The following BACH2 variants were observed in gnomAD, a reference collection of about 807,000 sequenced individuals.
BACH2 encodes transcription regulator protein BACH2.
BACH2 carries 5 observed loss-of-function variants against 61.8 expected under a neutral mutation model. That is an observed-to-expected ratio of 0.08 (90% CI 0.04 to 0.17). The LOEUF (loss-of-function observed/expected upper bound fraction) is 0.17. Among genes scored for constraint, BACH2 ranks in the 10% least tolerant of loss-of-function variants. The pLI, the probability that BACH2 is intolerant of heterozygous loss-of-function variation, is 1.00. For synonymous variants in BACH2, 446 were observed against 440.1 expected, an observed-to-expected ratio of 1.01 and a Z score of -0.17; for missense variants, 824 against 1,091.1, an observed-to-expected ratio of 0.76 and a Z score of 3.45.
intron 4 of BACH2, among the ~76,000 whole-genome samples, chr6:90,132,732 G>T (rs1784120539): frequency 6.6e-6 from 1 of 152,112 alleles, no homozygotes; most frequent in African/African-American, 2.4e-5. Context: ...GGTTTTCCTG[G>T]GCTTACAAAA....
At chr6:90,275,224 G>A (rs577233573) in intron 1 of BACH2, among the ~76,000 whole-genome samples, 1 of 152,240 alleles carries the variant, frequency 6.6e-6, no homozygotes, top group South Asian at 2.1e-4. Flanking sequence ...CTAAAACTTT[G>A]CTTTGTTCTA....
chr6:89,933,208 T>C (rs1244102299), intron 8 of BACH2, among the ~76,000 whole-genome samples: 5 of 152,026 alleles, frequency 3.3e-5, no homozygotes, highest in Non-Finnish European at 7.4e-5. Flanking sequence ...GAATTTGGGG[T>C]TTGTAGAGAG....
At chr6:90,264,883 A>T (rs1771274878) in intron 2 of BACH2, among the ~76,000 whole-genome samples, 2 of 152,232 alleles carry the variant, frequency 1.3e-5, no homozygotes, top group Non-Finnish European at 2.9e-5. Context: ...CATGGAATGA[A>T]TTTACCAAAT....
chr6:90,055,909 AC>A (rs1250949358), intron 5 of BACH2, among the ~76,000 whole-genome samples: 1 of 152,202 alleles, frequency 6.6e-6, no homozygotes, highest in East Asian at 1.9e-4. Context: ...TACTTTACAG[AC>A]AAGCAAATGC....
At chr6:90,198,191 G>T (rs376264602) in intron 4 of BACH2, among the ~76,000 whole-genome samples, 1 of 152,156 alleles carries the variant, frequency 6.6e-6, no homozygotes. Flanking sequence ...TGTATGTAAC[G>T]GCTTGCACCT....
chr6:90,104,678 T>C (rs1782821677), intron 4 of BACH2, among the ~76,000 whole-genome samples: 1 of 152,158 alleles, frequency 6.6e-6, no homozygotes, highest in South Asian at 2.1e-4. Context: ...TTTCCCTCGG[T>C]CCTTCCTCCC....
intron 5 of BACH2, among the ~76,000 whole-genome samples, chr6:90,064,399 T>A (rs577622086): frequency 6.6e-6 from 1 of 152,252 alleles, no homozygotes; most frequent in Admixed American, 6.5e-5. Context: ...CAGCAAATAT[T>A]CTGAGGAATA....
intron 4 of BACH2, among the ~76,000 whole-genome samples, chr6:90,166,426 G>A (rs1409947863): frequency 6.6e-6 from 1 of 152,194 alleles, no homozygotes; most frequent in Non-Finnish European, 1.5e-5. Context: ...AGAGGCTGTG[G>A]AGAAATAGAA....
intron 4 of BACH2, among the ~76,000 whole-genome samples, chr6:90,192,505 C>G (rs1247433358): frequency 1.3e-5 from 2 of 152,118 alleles, no homozygotes; most frequent in Non-Finnish European, 2.9e-5. Context: ...TAATTAAATA[C>G]TAAAGTCTAG....
intron 5 of BACH2, among the ~76,000 whole-genome samples, chr6:90,024,454 G>C (rs1778534635): frequency 6.6e-6 from 1 of 152,156 alleles, no homozygotes; most frequent in African/African-American, 2.4e-5. Context: ...CCTTTGCTTT[G>C]CAGTAAAACT....
At chr6:90,202,461 A>C (rs529895040) in intron 4 of BACH2, among the ~76,000 whole-genome samples, 1 of 152,340 alleles carries the variant, frequency 6.6e-6, no homozygotes, top group South Asian at 2.1e-4. Flanking sequence ...CAGATCATTA[A>C]GCAAAACAGT....
intron 5 of BACH2, among the ~76,000 whole-genome samples, chr6:90,068,522 G>A (rs575086879): frequency 3.3e-5 from 5 of 152,288 alleles, no homozygotes; most frequent in Admixed American, 2.0e-4. Flanking sequence ...GAGGCCCAGG[G>A]CTGCTGGTGA....
At chr6:90,109,341 C>T (rs986368597) in intron 4 of BACH2, among the ~76,000 whole-genome samples, 5 of 152,250 alleles carry the variant, frequency 3.3e-5, no homozygotes, top group African/African-American at 1.2e-4. Flanking sequence ...GGGCACCACA[C>T]TGTCCTGGCT....
At chr6:90,220,354 G>GA (rs1769699557) in intron 3 of BACH2, among the ~76,000 whole-genome samples, 1 of 151,932 alleles carries the variant, frequency 6.6e-6, no homozygotes, top group Non-Finnish European at 1.5e-5. Flanking sequence ...CCCACACACT[G>GA]AAAAAAATAA....
chr6:90,028,093 C>T (rs1221408457), intron 5 of BACH2, among the ~76,000 whole-genome samples: 1 of 152,178 alleles, frequency 6.6e-6, no homozygotes, highest in Admixed American at 6.5e-5. Context: ...CAACTTCGGC[C>T]ATGACACTAT....
At chr6:90,153,544 C>T (rs1784897343) in intron 4 of BACH2, among the ~76,000 whole-genome samples, 2 of 152,182 alleles carry the variant, frequency 1.3e-5, no homozygotes, top group Non-Finnish European at 2.9e-5. Context: ...CTTTTTATCA[C>T]ACTAGTAACA....
intron 5 of BACH2, among the ~76,000 whole-genome samples, chr6:90,030,689 T>C (rs377367836): frequency 3.3e-5 from 5 of 151,726 alleles, no homozygotes; most frequent in Admixed American, 6.6e-5. Context: ...CAATAACAGG[T>C]TCTGAAATTG....
chr6:90,186,468 T>C (rs887079144), intron 4 of BACH2, among the ~76,000 whole-genome samples: 3 of 152,178 alleles, frequency 2.0e-5, no homozygotes, highest in African/African-American at 7.2e-5. Flanking sequence ...TTTGTTTTTT[T>C]AGTACGGTGG....
chr6:90,213,662 C>T (rs1365008351), intron 3 of BACH2, among the ~76,000 whole-genome samples: 1 of 152,206 alleles, frequency 6.6e-6, no homozygotes, highest in Admixed American at 6.5e-5. Context: ...CTTTATATCT[C>T]TGGAGATTCT....
Sources: gnomAD v4.1 joint callset for allele counts (sites outside exome capture counted in the v4.1 genomes callset) on GRCh38, gnomAD v4.1.1 for gene constraint, MANE v1.5 for transcripts, NCBI Gene and HGNC (gene_info 2026-07-23, HGNC 2026-07-21) for gene names.